Variants in CNPY1 observed in about 807,000 individuals in gnomAD.
The protein encoded by CNPY1 is protein canopy homolog 1.
A neutral mutation model predicts 14.4 loss-of-function variants in CNPY1; 14 were observed. The ratio of observed to expected loss-of-function variants is 0.97; its 90% CI spans 0.64 to 1.52. The LOEUF is 1.52. Ranked by LOEUF, CNPY1 falls within the 40% of genes most tolerant of loss-of-function variation. The pLI is 0.00. For missense variants in CNPY1, 129 were observed against 131.5 expected (o/e 0.98, Z 0.09); for synonymous variants, 43 against 46.5 (o/e 0.92, Z 0.31).
At position 155,508,969 on chromosome 7, in the gene CNPY1, C is replaced by T; in HGVS notation, c.228G>A (p.Arg76=). Residue 76 remains arginine, a synonymous_variant, in exon 3 of 5, where the codon AGG becomes AGA. Transcript: ENST00000636446. ...KERTFKRFAP[R]KGDKIYQEFK... Reference sequence around the variant, plus strand: ...ATTCTTGGTATATTTTGTCTCCTTTCCTAGGAGCGAATCTCTTGAAAGTTC... The same window carrying T: ...ATTCTTGGTATATTTTGTCTCCTTTTCTAGGAGCGAATCTCTTGAAAGTTC... 1 of 1,613,724 alleles carries T rather than the reference C, an allele frequency of 6.2e-7. No individual in the cohort carries two copies. Among genetic ancestry groups the T allele is most frequent in the Non-Finnish European group, 8.5e-7 (1 of 1,179,664 alleles).
rs376810923 is a variant in CNPY1 at position 155,503,016 on chromosome 7, T to C, written c.*52A>G. ...AACATGCAAACATAAAATGCAGACA[T>C]TGACCTTTGGGTGTGACTTTACTCC... is the stretch of plus-strand genomic sequence containing the variant. On this transcript the variant is annotated 3_prime_UTR_variant, in exon 5 of 5. Coordinates refer to ENST00000636446, the MANE Select transcript of CNPY1 (RefSeq NM_001393663.1). 2.2e-5 allele frequency: 34 copies of C among 1,531,584 alleles called. No individual in the cohort carries two copies. The highest frequency in any genetic ancestry group is 2.9e-5 in the Non-Finnish European group (32 of 1,116,698). 94.9% of individuals were successfully genotyped at this position (1,531,584 alleles called of 1,614,324 possible).
rs1796094431 is a variant in CNPY1 at position 155,501,167 on chromosome 7, G to GA, written c.*1900dup. 1.3e-5 allele frequency: 2 copies of GA among 152,070 alleles called. No individual in the cohort carries two copies. Among genetic ancestry groups the GA allele is most frequent in the African/African-American group, 4.8e-5 (2 of 41,412 alleles). 9.4% of individuals were successfully genotyped at this position (152,070 alleles called of 1,614,324 possible). On this transcript the variant is annotated 3_prime_UTR_variant, in exon 5 of 5. Coordinates refer to ENST00000636446, the MANE Select transcript of CNPY1 (RefSeq NM_001393663.1). ...AGACTATTTTTAATGGGAAATCCAA[G>GA]AAAAAAACCTGAAATGCCATATTTA...
intron 2 of CNPY1, chr7:155,518,382 C>A (rs1485606067): frequency 1.3e-5 from 2 of 152,364 alleles, no homozygotes; most frequent in Non-Finnish European, 2.9e-5. Context: ...AGAGGAAGGG[C>A]CATTTGGTCC....
intron 2 of CNPY1, among the ~76,000 whole-genome samples, chr7:155,524,329 G>A (rs1467035234): frequency 6.6e-6 from 1 of 152,232 alleles, no homozygotes; most frequent in Non-Finnish European, 1.5e-5. Flanking sequence ...CTGTAAGGCA[G>A]GGGTCCTCAA....
chr7:155,523,391 A>G (rs952828606), intron 2 of CNPY1, among the ~76,000 whole-genome samples: 4 of 152,174 alleles, frequency 2.6e-5, no homozygotes, highest in Non-Finnish European at 5.9e-5. Flanking sequence ...GGGGCTGCAA[A>G]GGTCAATGTT....
At chr7:155,517,904 C>T (rs763966104) in intron 2 of CNPY1, among the ~76,000 whole-genome samples, 5 of 152,150 alleles carry the variant, frequency 3.3e-5, no homozygotes, top group African/African-American at 4.8e-5. Context: ...ATTTTATCTC[C>T]GATAGCCATC....
chr7:155,516,643 G>A (rs533347410), intron 2 of CNPY1, among the ~76,000 whole-genome samples: 2 of 152,276 alleles, frequency 1.3e-5, no homozygotes, highest in South Asian at 4.1e-4. Flanking sequence ...CAGAACGCTG[G>A]GTCACCCAGT....
At position 155,507,460 on chromosome 7, in the gene CNPY1, G is replaced by A. The variant is rs188327451; in HGVS notation, c.304-344C>T. On this transcript the variant is annotated intron_variant, in intron 3 of 4. Transcript: ENST00000636446. ...TATCGAAGGAGCTGAAAAGTCCAAC[G>A]GTTTTTAAACTAAAAAAAAAAAAAA... Among the ~76,000 whole-genome samples, 18 of 74,028 alleles carry A rather than the reference G, an allele frequency of 2.4e-4. No individual in the cohort carries two copies. The East Asian group carries it at 6.6e-3, about 27-fold the overall frequency. The allele number at this position is 74,028 out of a possible 152,430, so 48.6% of individuals were successfully genotyped here. A position where few individuals can be genotyped will look rare whatever the true frequency, so the allele number is the denominator to read the frequency against.
chr7:155,532,299 T>C (rs1796950115), intron 2 of CNPY1, among the ~76,000 whole-genome samples: 3 of 152,130 alleles, frequency 2.0e-5, no homozygotes, highest in Admixed American at 2.0e-4. Flanking sequence ...CAACTGTTCT[T>C]AAACAGCCTT....
rs1368450100 is a variant in CNPY1, at chr7:155,545,923, C to T, written c.7G>A (p.Glu3Lys). ...GCCTTGGTGATGTCGTGCTCTATCTCGTCCATCAGCGCCCTGCACGCTAAA... is the reference window on the plus strand; with the variant it reads ...GCCTTGGTGATGTCGTGCTCTATCTTGTCCATCAGCGCCCTGCACGCTAAA... The part of the protein sequence containing the change: MD[E>K]IEHDITKARQ... The change falls in exon 2 of 5, where the codon GAG becomes AAG. Residue 3 changes from glutamate to lysine, a missense_variant. Glu to Lys is a moderately conservative substitution (Grantham distance 56). Coordinates refer to ENST00000636446, the MANE Select transcript of CNPY1 (RefSeq NM_001393663.1). 1.0e-5 allele frequency: 4 copies of T among 398,540 alleles called. No individual in the cohort carries two copies. Among genetic ancestry groups the T allele is most frequent in the Admixed American group, 4.4e-5 (1 of 22,720 alleles). The allele number at this position is 398,540 out of a possible 1,614,324, so 24.7% of individuals were successfully genotyped here.
intron 3 of CNPY1, among the ~76,000 whole-genome samples, chr7:155,507,495 A>T (rs1796365140): frequency 1.3e-5 from 2 of 148,474 alleles, no homozygotes; most frequent in South Asian, 4.2e-4. Context: ...AAAAAAAAAA[A>T]AAAAGAAGAC....
chr7:155,524,745 A>C (rs999614239), intron 2 of CNPY1, among the ~76,000 whole-genome samples: 2 of 152,192 alleles, frequency 1.3e-5, no homozygotes, highest in Non-Finnish European at 2.9e-5. Context: ...ATGCACAATA[A>C]ATATAATGCA....
chr7:155,506,787 T>A, intron 4 of CNPY1: 1 of 473,948 alleles, frequency 2.1e-6, no homozygotes, highest in Non-Finnish European at 3.7e-6. Flanking sequence ...TGAATTCACT[T>A]AATATATAGA....
At chr7:155,527,976 C>A (rs1291992357) in intron 2 of CNPY1, among the ~76,000 whole-genome samples, 1 of 152,160 alleles carries the variant, frequency 6.6e-6, no homozygotes, top group African/African-American at 2.4e-5. Flanking sequence ...TTGAGAGCTC[C>A]TTTGCTAAAT....
At chr7:155,503,707 C>T (rs1052628597) in intron 4 of CNPY1, among the ~76,000 whole-genome samples, 1 of 152,142 alleles carries the variant, frequency 6.6e-6, no homozygotes, top group African/African-American at 2.4e-5. Context: ...TTTCTAGATA[C>T]TTGATCTCAT....
At chr7:155,545,416 C>T (rs1043357435) in intron 2 of CNPY1, among the ~76,000 whole-genome samples, 3 of 152,142 alleles carry the variant, frequency 2.0e-5, no homozygotes, top group African/African-American at 4.8e-5. Flanking sequence ...CCAGAAAGTG[C>T]GTCTTACAAC....
chr7:155,537,963 A>G (rs1250550147), intron 2 of CNPY1, among the ~76,000 whole-genome samples: 1 of 152,368 alleles, frequency 6.6e-6, no homozygotes, highest in Admixed American at 6.5e-5. Flanking sequence ...TAATACGCAG[A>G]TACAAGAACT....
chr7:155,516,177 G>A (rs1228049804), intron 2 of CNPY1, among the ~76,000 whole-genome samples: 3 of 152,136 alleles, frequency 2.0e-5, no homozygotes, highest in African/African-American at 7.2e-5. Context: ...TGACTCAAAA[G>A]TCAAATCCAC....
intron 2 of CNPY1, among the ~76,000 whole-genome samples, chr7:155,521,041 G>GA (rs35803409): frequency 0.81 from 120,032 of 147,684 alleles, 48,994 homozygotes; most frequent in Admixed American, 0.85. Context: ...GCATGAGAAT[G>GA]AAAAAAAAAG....
Sources: allele counts gnomAD v4.1 joint callset (sites outside exome capture counted in the v4.1 genomes callset), GRCh38; gene constraint gnomAD v4.1.1; transcripts MANE v1.5; gene names NCBI Gene and HGNC (gene_info 2026-07-23, HGNC 2026-07-21).